Variants in CACNA1C observed in about 807,000 individuals in gnomAD.
CACNA1C encodes the protein voltage-dependent L-type calcium channel subunit alpha-1C.
In CACNA1C, 30 loss-of-function variants were observed where a neutral mutation model predicts 229.0. The ratio of observed to expected loss-of-function variants is 0.13; its 90% CI spans 0.10 to 0.18. The LOEUF is 0.18. Among genes scored for constraint, CACNA1C ranks in the 10% least tolerant of loss-of-function variants. The probability of loss-of-function intolerance (pLI) is 1.00; values close to 1 mark genes in which losing one functional copy is unlikely to be tolerated. For synonymous variants in CACNA1C, 1,114 were observed against 1,132.5 expected, an observed-to-expected ratio of 0.98 and a Z score of 0.33; for missense variants, 1,658 against 2,845.0, an observed-to-expected ratio of 0.58 and a Z score of 9.49.
At chr12:2,404,143 C>T (rs758117) in intron 3 of CACNA1C, among the ~76,000 whole-genome samples, 34,976 of 152,130 alleles carry the variant, frequency 0.23, 4,694 homozygotes, top group South Asian at 0.31. Context: ...TGAGAATCAC[C>T]GCTAGTCCAC....
intron 7 of CACNA1C, among the ~76,000 whole-genome samples, chr12:2,499,043 G>A (rs2099753039): frequency 6.6e-6 from 1 of 152,118 alleles, no homozygotes; most frequent in Non-Finnish European, 1.5e-5. Flanking sequence ...TTTTACCTGG[G>A]CTCTGAGGCA....
Position 2,669,043 on chromosome 12 carries a change from C to T in CACNA1C, c.4726+8C>T, listed in dbSNP as rs748503663. ...TGAGGATCAAAACAGAAGGTAAGGT[C>T]GCCCGTGGGCACTGGGAGAGACACT... On this transcript the variant is annotated splice_region_variant and intron_variant, in intron 38 of 46. Transcript: ENST00000399655. 17 of 1,583,170 alleles carry T rather than the reference C, an allele frequency of 1.1e-5. No individual in the cohort carries two copies. Among genetic ancestry groups the T allele is most frequent in the Middle Eastern group, 1.7e-4 (1 of 6,044 alleles).
In CACNA1C at chr12:2,690,999, G is replaced by C; in HGVS notation, c.6217G>C (p.Glu2073Gln). 6.2e-7 allele frequency: 1 copy of C among 1,600,610 alleles called. No individual in the cohort carries two copies. Among genetic ancestry groups the C allele is most frequent in the Non-Finnish European group, 8.5e-7 (1 of 1,173,664 alleles). ...LADACDMTIE[E>Q]MESAADNILS... ...CGACGCCTGCGACATGACCATAGAGGAGATGGAGAGCGCGGCCGACAACAT... is the reference window on the plus strand; with the variant it reads ...CGACGCCTGCGACATGACCATAGAGCAGATGGAGAGCGCGGCCGACAACAT... The change falls in exon 47 of 47, where the codon GAG becomes CAG. Residue 2073 changes from glutamate to glutamine, a missense_variant. Physicochemically the swap from Glu to Gln is conservative, Grantham distance 29. This residue lies in a region of CACNA1C where 590 missense variants were observed against 700.8 expected (regional missense o/e 0.84). Coordinates refer to ENST00000399655, the MANE Select transcript of CACNA1C (RefSeq NM_000719.7).
intron 1 of CACNA1C, among the ~76,000 whole-genome samples, chr12:2,071,430 C>A (rs11062105): frequency 2.0e-5 from 3 of 151,246 alleles, no homozygotes; most frequent in Non-Finnish European, 2.9e-5. Context: ...GCTATGTTGC[C>A]GAGGCTGATC....
At chr12:2,524,066 A>G (rs1321003746) in intron 9 of CACNA1C, among the ~76,000 whole-genome samples, 2 of 152,196 alleles carry the variant, frequency 1.3e-5, no homozygotes, top group African/African-American at 2.4e-5. Flanking sequence ...TTAGCCACGT[A>G]TTGTATTTCC....
intron 3 of CACNA1C, among the ~76,000 whole-genome samples, chr12:2,448,600 C>T (rs973058033): frequency 3.3e-5 from 5 of 152,160 alleles, no homozygotes; most frequent in African/African-American, 1.2e-4. Context: ...ATCCCCTTCT[C>T]TTTTGGCCCT....
intron 10 of CACNA1C, among the ~76,000 whole-genome samples, chr12:2,553,425 G>A (rs1185721453): frequency 6.6e-6 from 1 of 152,212 alleles, no homozygotes; most frequent in Admixed American, 6.5e-5. Context: ...GAGTCACTCC[G>A]AATGAGCTCA....
intron 3 of CACNA1C, among the ~76,000 whole-genome samples, chr12:2,190,897 T>C (rs2097190373): frequency 6.6e-6 from 1 of 152,094 alleles, no homozygotes; most frequent in South Asian, 2.1e-4. Flanking sequence ...AACCCCTGAG[T>C]CTGGCTGACA....
intron 1 of CACNA1C, among the ~76,000 whole-genome samples, chr12:2,019,253 G>A (rs527824988): frequency 2.1e-3 from 323 of 152,168 alleles, no homozygotes; most frequent in Middle Eastern, 6.8e-3. Flanking sequence ...TTTGAGCCCA[G>A]AAGTTCAAGA....
chr12:2,358,847 T>G (rs1334068461), intron 3 of CACNA1C, among the ~76,000 whole-genome samples: 1 of 152,166 alleles, frequency 6.6e-6, no homozygotes, highest in Non-Finnish European at 1.5e-5. Context: ...AGTGTTCTTC[T>G]GGGCCCCCGA....
intron 1 of CACNA1C, among the ~76,000 whole-genome samples, chr12:1,988,785 T>C (rs997840910): frequency 1.3e-5 from 2 of 152,180 alleles, no homozygotes; most frequent in African/African-American, 2.4e-5. Flanking sequence ...TAATTTTCCT[T>C]TTCATTCAGG....
At position 2,319,875 on chromosome 12, in the gene CACNA1C, G is replaced by A. The variant is rs1471010824; in HGVS notation, c.478-129101G>A. On this transcript the variant is annotated intron_variant, in intron 3 of 46. Transcript: ENST00000399655. The surrounding 1 kb of genome is among the most constrained non-coding windows in gnomAD (Gnocchi z 4.0). ...AGACATTTCACTTCATTCCTTAGGTGTGAGTCATGTTCACATTTCAGGGAA... is the reference window on the plus strand; with the variant it reads ...AGACATTTCACTTCATTCCTTAGGTATGAGTCATGTTCACATTTCAGGGAA... Among the ~76,000 whole-genome samples the A allele has an allele frequency of 1.3e-5, 2 of 152,092 alleles. No individual in the cohort carries two copies. Among genetic ancestry groups the A allele is most frequent in the South Asian group, 2.1e-4 (1 of 4,822 alleles).
intron 1 of CACNA1C, among the ~76,000 whole-genome samples, chr12:2,009,342 G>A (rs1367182450): frequency 1.3e-5 from 2 of 152,190 alleles, no homozygotes; most frequent in African/African-American, 4.8e-5. Flanking sequence ...TAAGAAGACA[G>A]TATGTTTAGA....
At chr12:2,687,924 G>A (rs903953525) in intron 45 of CACNA1C, among the ~76,000 whole-genome samples, 1 of 152,234 alleles carries the variant, frequency 6.6e-6, no homozygotes, top group Non-Finnish European at 1.5e-5. Flanking sequence ...CATTATGAAT[G>A]GCCCCATTAA....
At chr12:2,235,653 T>C (rs1432234592) in intron 3 of CACNA1C, among the ~76,000 whole-genome samples, 1 of 152,154 alleles carries the variant, frequency 6.6e-6, no homozygotes, top group African/African-American at 2.4e-5. Context: ...TGCAGTGTAT[T>C]ACGCTTCAGG....
intron 1 of CACNA1C, among the ~76,000 whole-genome samples, chr12:2,098,518 C>T (rs1417786931): frequency 6.6e-6 from 1 of 152,154 alleles, no homozygotes; most frequent in Non-Finnish European, 1.5e-5. Context: ...CCATACAGTG[C>T]GATCCCCTGA....
intron 7 of CACNA1C, among the ~76,000 whole-genome samples, chr12:2,503,029 A>G (rs2099764081): frequency 6.6e-6 from 1 of 152,232 alleles, no homozygotes; most frequent in Non-Finnish European, 1.5e-5. Flanking sequence ...ACTTTGAGGA[A>G]CACTGCTATG....
chr12:2,599,046 T>C (rs1016997219), intron 21 of CACNA1C, among the ~76,000 whole-genome samples: 1 of 152,272 alleles, frequency 6.6e-6, no homozygotes, highest in Admixed American at 6.5e-5. Flanking sequence ...CAGAGTTCTT[T>C]CCCAGGACAA....
rs886700365 is a variant in CACNA1C, at chr12:2,322,813, G to A, written c.478-126163G>A. The stretch of plus-strand genomic sequence containing the variant: ...GTTGCATGAGCATCTGTCTCACGAG[G>A]TTACCTTGGAAGTTAAGTGGGTGAA... On this transcript the variant is annotated intron_variant, in intron 3 of 46. Transcript: ENST00000399655. Among the ~76,000 whole-genome samples, 21 of 152,334 alleles carry A rather than the reference G, an allele frequency of 1.4e-4. 1 individual carries two copies. Among genetic ancestry groups the A allele is most frequent in the African/African-American group, 4.8e-4 (20 of 41,594 alleles).
Sources: gnomAD v4.1 joint callset for allele counts (sites outside exome capture counted in the v4.1 genomes callset) on GRCh38, gnomAD v4.1.1 for gene constraint, gnomAD v4.1.1 regional missense constraint, Gnocchi (gnomAD v3.1) non-coding constraint, MANE v1.5 for transcripts, NCBI Gene and HGNC (gene_info 2026-07-23, HGNC 2026-07-21) for gene names.